The following PCDHGA6 variants were observed in gnomAD, a reference collection of about 807,000 sequenced individuals.
PCDHGA6 encodes the protein protocadherin gamma subfamily A, 6, also known as protocadherin gamma-A6.
Under a neutral mutation model 60.6 loss-of-function variants are expected in PCDHGA6, and 41 were observed. The ratio of observed to expected loss-of-function variants is 0.68; its 90% CI spans 0.53 to 0.88. The LOEUF is 0.88. Among genes scored for constraint, PCDHGA6 ranks in the 40% least tolerant of loss-of-function variants. PCDHGA6 has a pLI of 0.00. For missense variants in PCDHGA6, 1,312 were observed against 1,203.0 expected (o/e 1.09, Z -1.34); for synonymous variants, 594 against 524.4 (o/e 1.13, Z -1.81).
rs1203060261 is a variant in PCDHGA6, at chr5:141,493,037, AG to A, written c.2425-1768del. 3.3e-5 allele frequency among the ~76,000 whole-genome samples: 5 copies of A among 152,252 alleles called. No individual in the cohort carries two copies. The highest frequency in any genetic ancestry group is 2.6e-4 in the Admixed American group (4 of 15,290). ...AGATGCCAGGGTGCCCTTATGTGTG[AG>A]GAAACTACAATAGTAAAAAACACAA... is the stretch of plus-strand genomic sequence containing the variant. On this transcript the variant is annotated intron_variant, in intron 1 of 3. Transcript: ENST00000517434. This position sits in a 1 kb window ranked among gnomAD's most constrained non-coding sequence, Gnocchi z 4.3.
chr5:141,394,864 C>G lies in PCDHGA6; in HGVS notation c.2424+18357C>G. Reference sequence around the variant, plus strand: ...GGCAGTCTGAAGCCTTCGGTCGACCCGAACGATTCGAGCCTTACACTCTAT... The same window carrying G: ...GGCAGTCTGAAGCCTTCGGTCGACCGGAACGATTCGAGCCTTACACTCTAT... On this transcript the variant is annotated intron_variant, in intron 1 of 3. Coordinates refer to ENST00000517434, the MANE Select transcript of PCDHGA6 (RefSeq NM_018919.3). The G allele has an allele frequency of 1.2e-6, 2 of 1,613,780 alleles. No individual in the cohort carries two copies. The highest frequency in any genetic ancestry group is 1.7e-6 in the Non-Finnish European group (2 of 1,179,900).
rs777293240 is a variant in PCDHGA6, at chr5:141,393,034, T to A, written c.2424+16527T>A. The A allele has an allele frequency of 1.3e-5, 21 of 1,613,636 alleles. No homozygotes were observed. Among genetic ancestry groups the A allele is most frequent in the Admixed American group, 6.7e-5 (4 of 59,986 alleles). Reference sequence around the variant, plus strand: ...ATCGTCTCCAGAGGTAGGACGCAGCTCTTTGCTCTGAACCCGCGCAGCGGC... The same window carrying A: ...ATCGTCTCCAGAGGTAGGACGCAGCACTTTGCTCTGAACCCGCGCAGCGGC... On this transcript the variant is annotated intron_variant, in intron 1 of 3. Coordinates refer to ENST00000517434, the MANE Select transcript of PCDHGA6 (RefSeq NM_018919.3).
chr5:141,406,258 G>C (rs895877034), intron 1 of PCDHGA6, among the ~76,000 whole-genome samples: 13 of 151,882 alleles, frequency 8.6e-5, no homozygotes, highest in South Asian at 2.1e-4. Flanking sequence ...GGTCTCAAAC[G>C]ATCTTCCTGC....
rs764056952 is a variant in PCDHGA6 at position 141,405,326 on chromosome 5, T to G, written c.2424+28819T>G. On this transcript the variant is annotated intron_variant, in intron 1 of 3. Transcript: ENST00000517434. ...GAGCTGTGAGAAAAATGAGCCTTTG[T>G]GCGTCTCTGTTGATTCCAAGTTTCC... The G allele has an allele frequency of 2.5e-6, 4 of 1,614,220 alleles. No individual in the cohort carries two copies. Among genetic ancestry groups the G allele is most frequent in the Admixed American group, 3.3e-5 (2 of 60,026 alleles).
intron 1 of PCDHGA6, chr5:141,404,780 AAGGCCAGTGAGCC>A: frequency 6.2e-7 from 1 of 1,612,764 alleles, no homozygotes; most frequent in Non-Finnish European, 8.5e-7. Context: ...CCGCCTATTC[AAGGCCAGTGAGCC>A]AGGGCTCTTC....
At chr5:141,403,350 TC>T in intron 1 of PCDHGA6, 2 of 1,613,994 alleles carry the variant, frequency 1.2e-6, no homozygotes, top group Non-Finnish European at 1.7e-6. Flanking sequence ...GCCCCAAAGT[TC>T]CAGGCCGAAA....
intron 1 of PCDHGA6, among the ~76,000 whole-genome samples, chr5:141,401,300 C>A (rs1169689828): frequency 1.3e-5 from 2 of 152,200 alleles, no homozygotes; most frequent in African/African-American, 4.8e-5. Context: ...CGAGATCACT[C>A]CATTGCATTC....
intron 1 of PCDHGA6, chr5:141,424,522 T>C (rs2096826398): frequency 6.6e-6 from 1 of 152,212 alleles, no homozygotes; most frequent in South Asian, 2.1e-4. Flanking sequence ...ATGTAGTAAA[T>C]CCATATATAG....
Position 141,477,691 on chromosome 5 carries a change from A to G in PCDHGA6, c.2425-17116A>G, listed in dbSNP as rs1315811441. 6.2e-7 allele frequency: 1 copy of G among 1,614,188 alleles called. No homozygotes were observed. Among genetic ancestry groups the G allele is most frequent in the South Asian group, 1.1e-5 (1 of 91,090 alleles). On this transcript the variant is annotated intron_variant, in intron 1 of 3. Coordinates refer to ENST00000517434, the MANE Select transcript of PCDHGA6 (RefSeq NM_018919.3). This position sits in a 1 kb window ranked among gnomAD's most constrained non-coding sequence, Gnocchi z 4.9. ...GCATAGTGTCATCCTTAGTGCCCCT[A>G]GACTATGAGGATCGGCGGGAATTTG...
At chr5:141,400,500 C>T (rs1025270322) in intron 1 of PCDHGA6, 1 of 1,613,922 alleles carries the variant, frequency 6.2e-7, no homozygotes, top group Non-Finnish European at 8.5e-7. Flanking sequence ...GTAATTCCAG[C>T]GAGTCGACTT....
chr5:141,399,321 T>C (rs1356696829), intron 1 of PCDHGA6: 2 of 1,613,978 alleles, frequency 1.2e-6, no homozygotes, highest in Admixed American at 1.7e-5. Context: ...AAAATTCGTA[T>C]AAGTTGGTAA....
chr5:141,417,940 C>T (rs757819377), intron 1 of PCDHGA6: 2 of 1,613,054 alleles, frequency 1.2e-6, no homozygotes, highest in South Asian at 1.1e-5. Context: ...TGTTCTACCC[C>T]ACGCTGTGTG....
rs1011504923 is a variant in PCDHGA6, at chr5:141,408,109, C to A, written c.2424+31602C>A. ...GGATTGCCAGCTCCGAGACCCGGGA[C>A]TCCTCCTGTCCTGGGCCGAATGCTC... is the stretch of plus-strand genomic sequence containing the variant. On this transcript the variant is annotated intron_variant, in intron 1 of 3. Transcript: ENST00000517434. 6 of 1,445,662 alleles carry A rather than the reference C, an allele frequency of 4.2e-6. No homozygotes were observed. In the African/African-American group the frequency reaches 5.7e-5, roughly 14 times the overall value. 89.6% of individuals were successfully genotyped at this position (1,445,662 alleles called of 1,614,324 possible). A position where few individuals can be genotyped will look rare whatever the true frequency, so the allele number is the denominator to read the frequency against.
At chr5:141,395,407 G>T (rs1467176036) in intron 1 of PCDHGA6, 3 of 826,654 alleles carry the variant, frequency 3.6e-6, no homozygotes, top group Non-Finnish European at 5.4e-6. Context: ...ATAGTCATAG[G>T]TTATTGTTTC....
chr5:141,393,578 G>A (rs748225192), intron 1 of PCDHGA6: 2 of 1,613,812 alleles, frequency 1.2e-6, no homozygotes, highest in South Asian at 1.1e-5. Context: ...TTGAGAACAT[G>A]CCCCCAGGCA....
chr5:141,460,026 C>T (rs565259315), intron 1 of PCDHGA6, among the ~76,000 whole-genome samples: 36 of 152,090 alleles, frequency 2.4e-4, no homozygotes, highest in Non-Finnish European at 3.2e-4. Flanking sequence ...TGCAGTGAGC[C>T]GAGACTGCAC....
chr5:141,399,775 G>A, intron 1 of PCDHGA6: 2 of 1,613,282 alleles, frequency 1.2e-6, no homozygotes, highest in Non-Finnish European at 1.7e-6. Flanking sequence ...GTTGGTGGGC[G>A]ACCGAAACGA....
chr5:141,499,689 CTTTTTTTTTTTT>C (rs545067566), intron 2 of PCDHGA6, among the ~76,000 whole-genome samples: 1 of 119,856 alleles, frequency 8.3e-6, no homozygotes, highest in Non-Finnish European at 1.7e-5. Flanking sequence ...TAACAGATGA[CTTTTTTTTTTTT>C]TTTTTTTTTT....
chr5:141,408,660 C>T, intron 1 of PCDHGA6: 1 of 1,613,980 alleles, frequency 6.2e-7, no homozygotes, highest in East Asian at 2.2e-5. Context: ...ACACGACTAT[C>T]GCTTGACCCT....
Sources: allele counts gnomAD v4.1 joint callset (sites outside exome capture counted in the v4.1 genomes callset), GRCh38; gene constraint gnomAD v4.1.1; non-coding constraint Gnocchi (gnomAD v3.1); transcripts MANE v1.5; gene names NCBI Gene and HGNC (gene_info 2026-07-23, HGNC 2026-07-21).